HMGB1: variants seen among roughly 807,000 people sequenced by gnomAD.
HMGB1 encodes the protein high mobility group box 1.
For missense variants in HMGB1, 79 were observed against 253.5 expected (o/e 0.31, Z 4.67); for synonymous variants, 81 against 84.0 (o/e 0.96, Z 0.19).
intron 1 of HMGB1, among the ~76,000 whole-genome samples, chr13:30,471,296 T>C (rs931426036): frequency 6.6e-6 from 1 of 152,082 alleles, no homozygotes; most frequent in African/African-American, 2.4e-5. Context: ...TAATTTAATG[T>C]TTGTCTCCCA....
At chr13:30,522,926 GT>G (rs1296852094) in intron 1 of HMGB1, among the ~76,000 whole-genome samples, 3 of 151,936 alleles carry the variant, frequency 2.0e-5, no homozygotes, top group African/African-American at 7.3e-5. Context: ...ACTGCCCAGG[GT>G]GGTCTAGAAT....
intron 1 of HMGB1, among the ~76,000 whole-genome samples, chr13:30,566,733 GA>G (rs1475135442): frequency 6.6e-6 from 1 of 152,138 alleles, no homozygotes; most frequent in African/African-American, 2.4e-5. Flanking sequence ...ATATAACAAA[GA>G]GATTGTACCC....
At chr13:30,575,476 T>A (rs1373059738) in intron 1 of HMGB1, among the ~76,000 whole-genome samples, 4 of 152,200 alleles carry the variant, frequency 2.6e-5, no homozygotes, top group Admixed American at 2.6e-4. Flanking sequence ...ACATCGTGGT[T>A]CATTTATAGT....
chr13:30,511,926 CCT>C (rs1435080816), intron 1 of HMGB1, among the ~76,000 whole-genome samples: 1 of 137,840 alleles, frequency 7.3e-6, no homozygotes. Flanking sequence ...CCTGGTCTAA[CCT>C]CTCTGATTCT....
Position 30,458,852 on chromosome 13 carries a change from CTG to C in HMGB1, c.*2503_*2504del, listed in dbSNP as rs1886123529. On this transcript the variant is annotated 3_prime_UTR_variant, in exon 5 of 5. Coordinates refer to ENST00000341423, the MANE Select transcript of HMGB1 (RefSeq NM_002128.7). ...ATAAATACAGCAAACATTAACAACACTGTGATGGGACGATCATCAGAACTGTG... is the reference window on the plus strand; with the variant it reads ...ATAAATACAGCAAACATTAACAACACTGATGGGACGATCATCAGAACTGTG... 3 of 152,188 alleles carry C rather than the reference CTG, an allele frequency of 2.0e-5. No individual in the cohort carries two copies. Among genetic ancestry groups the C allele is most frequent in the South Asian group, 2.1e-4 (1 of 4,836 alleles). The allele number at this position is 152,188 out of a possible 1,614,324, so 9.4% of individuals were successfully genotyped here.
At position 30,463,238 on chromosome 13, in the gene HMGB1, A is replaced by G. The variant is rs1351771800; in HGVS notation, c.265T>C (p.Phe89Leu). 1.9e-6 allele frequency: 3 copies of G among 1,603,236 alleles called. No homozygotes were observed. Among genetic ancestry groups the G allele is most frequent in the Non-Finnish European group, 2.5e-6 (3 of 1,178,146 alleles). ...IPPKGETKKK[F>L]KDPNAPKRPP... ...CTCTTGGGTGCATTGGGATCCTTGAACTTCTTTTTTGTCTCCCCTTTGGGA... is the reference window on the plus strand; with the variant it reads ...CTCTTGGGTGCATTGGGATCCTTGAGCTTCTTTTTTGTCTCCCCTTTGGGA... Residue 89 changes from phenylalanine (F) to leucine (L), a missense_variant, in exon 3 of 5, where the codon TTC (phenylalanine) becomes CTC (leucine). Phe to Leu is a conservative substitution (Grantham distance 22). Transcript: ENST00000341423.
chr13:30,556,402 T>C (rs9508797), intron 1 of HMGB1, among the ~76,000 whole-genome samples: 118,192 of 152,114 alleles, frequency 0.78, 47,840 homozygotes, highest in Middle Eastern at 0.93. Context: ...GAAACTCTGT[T>C]TCAAAAAAGA....
At chr13:30,597,209 G>T (rs942264857) in intron 1 of HMGB1, among the ~76,000 whole-genome samples, 1 of 134,452 alleles carries the variant, frequency 7.4e-6, no homozygotes, top group South Asian at 2.4e-4. Context: ...AATCCAATAC[G>T]ACCAGTGTCC....
intron 1 of HMGB1, among the ~76,000 whole-genome samples, chr13:30,547,199 C>A (rs1356847624): frequency 2.0e-5 from 3 of 152,224 alleles, no homozygotes; most frequent in Non-Finnish European, 4.4e-5. Context: ...ATTTTATCAT[C>A]TCTGATTTCT....
At chr13:30,570,771 TGCCCCTGTGTTAA>T (rs1373817634) in intron 1 of HMGB1, among the ~76,000 whole-genome samples, 5 of 152,212 alleles carry the variant, frequency 3.3e-5, no homozygotes, top group African/African-American at 1.2e-4. Flanking sequence ...CATCTTTTTG[TGCCCCTGTGTTAA>T]GCACTCTACC....
At chr13:30,471,416 C>T (rs945689036) in intron 1 of HMGB1, among the ~76,000 whole-genome samples, 1 of 151,796 alleles carries the variant, frequency 6.6e-6, no homozygotes, top group Non-Finnish European at 1.5e-5. Context: ...GGCGCGATCT[C>T]GGCTCACTGC....
chr13:30,591,740 G>A (rs1017194399), intron 1 of HMGB1, among the ~76,000 whole-genome samples: 15 of 152,020 alleles, frequency 9.9e-5, no homozygotes, highest in Admixed American at 3.3e-4. Context: ...GGGCTCAAGC[G>A]ATCCTCCCAC....
intron 1 of HMGB1, among the ~76,000 whole-genome samples, chr13:30,577,841 C>A (rs1307181132): frequency 1.3e-5 from 2 of 152,186 alleles, no homozygotes; most frequent in African/African-American, 4.8e-5. Context: ...TCAGAATAAA[C>A]CACCTAAGCC....
chr13:30,459,083 C>G lies in HMGB1; in HGVS notation c.*2274G>C, dbSNP rs1319177112. 1.3e-5 allele frequency: 2 copies of G among 152,158 alleles called. No homozygotes were observed. The highest frequency in any genetic ancestry group is 4.8e-5 in the African/African-American group (2 of 41,448). 9.4% of individuals were successfully genotyped at this position (152,158 alleles called of 1,614,324 possible). A position where few individuals can be genotyped will look rare whatever the true frequency, so the allele number is the denominator to read the frequency against. On this transcript the variant is annotated 3_prime_UTR_variant, in exon 5 of 5. Transcript: ENST00000341423. ...AGTCTTTTCTTGATGTCAACAAAGTCTTTAAACCCCACAGCACTGTAACTA... is the reference window on the plus strand; with the variant it reads ...AGTCTTTTCTTGATGTCAACAAAGTGTTTAAACCCCACAGCACTGTAACTA...
chr13:30,464,807 G>C (rs1886638265), intron 1 of HMGB1: 1 of 178,420 alleles, frequency 5.6e-6, no homozygotes, highest in African/African-American at 2.4e-5. Flanking sequence ...GTGTGTGAGT[G>C]CGAGGGTGCG....
At chr13:30,464,707 C>G in intron 1 of HMGB1, 1 of 867,232 alleles carries the variant, frequency 1.2e-6, no homozygotes, top group Non-Finnish European at 1.3e-6. Flanking sequence ...TCTTCTCCGC[C>G]TGCGCCGCCG....
chr13:30,560,453 C>G (rs1267795484), intron 1 of HMGB1, among the ~76,000 whole-genome samples: 1 of 152,060 alleles, frequency 6.6e-6, no homozygotes, highest in Admixed American at 6.5e-5. Flanking sequence ...GTAGGGATAC[C>G]CCATTATAAG....
At chr13:30,573,650 CTTT>C (rs774433276) in intron 1 of HMGB1, among the ~76,000 whole-genome samples, 6 of 132,388 alleles carry the variant, frequency 4.5e-5, no homozygotes, top group Admixed American at 7.6e-5. Context: ...CTAGCATTTT[CTTT>C]TTTTTTTTTT....
chr13:30,487,591 G>A (rs778976237), intron 1 of HMGB1, among the ~76,000 whole-genome samples: 8 of 152,132 alleles, frequency 5.3e-5, no homozygotes, highest in African/African-American at 9.7e-5. Flanking sequence ...CCTTGTAAGA[G>A]GGAAGCAAGC....
Sources: gnomAD v4.1 joint callset for allele counts (sites outside exome capture counted in the v4.1 genomes callset) on GRCh38, gnomAD v4.1.1 for gene constraint, MANE v1.5 for transcripts, NCBI Gene and HGNC (gene_info 2026-07-23, HGNC 2026-07-21) for gene names.